The following ARHGEF16 variants were observed in gnomAD, a reference collection of about 807,000 sequenced individuals.
ARHGEF16 encodes Rho guanine exchange factor (GEF) 16.
A neutral mutation model predicts 74.1 loss-of-function variants in ARHGEF16; 59 were observed. The ratio of observed to expected loss-of-function variants is 0.80; its 90% CI spans 0.65 to 0.99. ARHGEF16 has a LOEUF of 0.99. Among genes scored for constraint, ARHGEF16 ranks in the 50% least tolerant of loss-of-function variants. ARHGEF16 has a pLI of 0.00. For synonymous variants in ARHGEF16, 415 were observed against 412.6 expected (o/e 1.01, Z -0.07); for missense variants, 948 against 986.6 (o/e 0.96, Z 0.52).
chr1:3,468,109 C>G (rs1247745807), intron 4 of ARHGEF16, among the ~76,000 whole-genome samples: 1 of 152,192 alleles, frequency 6.6e-6, no homozygotes, highest in Non-Finnish European at 1.5e-5. Context: ...TGCAGTCTTA[C>G]TCTCCTGCTG....
chr1:3,460,346 T>A (rs1639363147), intron 1 of ARHGEF16, among the ~76,000 whole-genome samples: 1 of 152,186 alleles, frequency 6.6e-6, no homozygotes, highest in Non-Finnish European at 1.5e-5. Flanking sequence ...TCAGGGACAG[T>A]CAGGCCTGGG....
chr1:3,476,413 C>CAAGGA (rs1639877559), intron 10 of ARHGEF16, among the ~76,000 whole-genome samples: 2 of 152,166 alleles, frequency 1.3e-5, no homozygotes, highest in African/African-American at 4.8e-5. Context: ...CTGGGGCCAG[C>CAAGGA]GCTCCTTGCT....
intron 14 of ARHGEF16, 64 bp from the exon 15 acceptor site, chr1:3,480,384 C>T: frequency 2.5e-6 from 4 of 1,596,238 alleles, no homozygotes; most frequent in Middle Eastern, 1.7e-4. Flanking sequence ...GGCATAGCAG[C>T]TCAGAGGGGC....
chr1:3,461,794 A>T lies in ARHGEF16; in HGVS notation c.-19-1272A>T, dbSNP rs750369283. On this transcript the variant is annotated intron_variant, in intron 1 of 14. Coordinates refer to ENST00000378378, the MANE Select transcript of ARHGEF16 (RefSeq NM_014448.4). ...ATCTCGGTCACACGGGGTCCAGGCC[A>T]TTGAGGCTCTGCCTGGCCACGCGTG... Among the ~76,000 whole-genome samples, 124 of 152,290 alleles carry T rather than the reference A, an allele frequency of 8.1e-4. 1 individual carries two copies. Among genetic ancestry groups the T allele is most frequent in the South Asian group, 1.2e-3 (6 of 4,822 alleles).
chr1:3,462,460 C>A (rs1270429902), intron 1 of ARHGEF16, among the ~76,000 whole-genome samples: 1 of 152,184 alleles, frequency 6.6e-6, no homozygotes. Flanking sequence ...CCTGCCCTCC[C>A]CCCAACCCAG....
At chr1:3,472,954 C>G (rs1388493990) in intron 6 of ARHGEF16, 124 bp from the exon 7 acceptor site, 4 of 909,544 alleles carry the variant, frequency 4.4e-6, no homozygotes, top group Non-Finnish European at 5.8e-6. Context: ...CCTCTGGGAG[C>G]TGAGCTCAGC....
rs1640027724 is a variant in ARHGEF16, at chr1:3,480,521, C to G, written c.2064C>G (p.Thr688=). ...WFPEDFARFI[T]SRVAVEGNVR... The stretch of plus-strand genomic sequence containing the variant: ...CCGAGGACTTTGCCCGCTTCATCAC[C>G]AGCCGTGTGGCCGTGGAGGGCAATG... The change falls in exon 15 of 15, where the codon ACC becomes ACG. Residue 688 remains threonine (T), a synonymous_variant. Transcript: ENST00000378378. The G allele has an allele frequency of 6.2e-7, 1 of 1,612,310 alleles. No individual in the cohort carries two copies. The highest frequency in any genetic ancestry group is 1.3e-5 in the African/African-American group (1 of 74,946).
intron 11 of ARHGEF16, 173 bp from the exon 12 acceptor site, chr1:3,478,251 A>G (rs141037945): frequency 1.2e-4 from 110 of 920,434 alleles, no homozygotes; most frequent in Non-Finnish European, 1.8e-4. Flanking sequence ...GATAGCCACG[A>G]GGAGGACTCG....
rs776340254 is a variant in ARHGEF16, at chr1:3,469,437, T to C, written c.866T>C (p.Met289Thr). 21 of 1,612,744 alleles carry C rather than the reference T, an allele frequency of 1.3e-5. No homozygotes were observed. The Admixed American group carries it at 2.5e-4, about 19-fold the overall frequency. ...CACCTAGGCCCCTCTCCACAGGCCA[T>C]GTTCGAGATCCTCACGTCGGAGTTC... ...STEERKRQEA[M>T]FEILTSEFSY... The change falls in exon 6 of 15, where the codon ATG (methionine) becomes ACG (threonine). Residue 289 changes from methionine to threonine, a missense_variant. Met to Thr is a moderately conservative substitution (Grantham distance 81, BLOSUM62 -1). Transcript: ENST00000378378.
intron 6 of ARHGEF16, among the ~76,000 whole-genome samples, 165 bp downstream of exon 6, chr1:3,469,758 G>C (rs1468654346): frequency 6.6e-6 from 1 of 152,202 alleles, no homozygotes; most frequent in Admixed American, 6.5e-5. Context: ...GACCTCTGAG[G>C]GTCCTTGAGG....
chr1:3,479,400 A>C (rs1569884958), intron 12 of ARHGEF16, 117 bp from the exon 13 acceptor site: 7 of 1,034,448 alleles, frequency 6.8e-6, no homozygotes, highest in East Asian at 2.8e-5. Context: ...ACTCCTGCCC[A>C]CCCCCACCAC....
In ARHGEF16 at chr1:3,480,526, G is replaced by A. The variant is rs747646674; in HGVS notation, c.2069G>A (p.Arg690His). The A allele has an allele frequency of 2.6e-5, 42 of 1,612,056 alleles. No individual in the cohort carries two copies. The highest frequency in any genetic ancestry group is 4.5e-5 in the East Asian group (2 of 44,902). Residue 690 changes from arginine to histidine, a missense_variant, in exon 15 of 15, where the codon CGT (arginine) becomes CAT (histidine). Coordinates refer to ENST00000378378, the MANE Select transcript of ARHGEF16 (RefSeq NM_014448.4). ...GACTTTGCCCGCTTCATCACCAGCC[G>A]TGTGGCCGTGGAGGGCAATGTCCGC... is the stretch of plus-strand genomic sequence containing the variant. Reference protein sequence around the residue: ...PEDFARFITSRVAVEGNVRRM... With the variant: ...PEDFARFITSHVAVEGNVRRM...
Position 3,480,597 on chromosome 1 carries a change from G to A in ARHGEF16, c.*10G>A. ...GGAGACGGACGTGTAGCCCTGGCGA[G>A]GCCAGCCGGCGGCAGCACAGCCTGT... is the stretch of plus-strand genomic sequence containing the variant. On this transcript the variant is annotated 3_prime_UTR_variant, in exon 15 of 15. Coordinates refer to ENST00000378378, the MANE Select transcript of ARHGEF16 (RefSeq NM_014448.4). 6.2e-7 allele frequency: 1 copy of A among 1,601,810 alleles called. No homozygotes were observed. The highest frequency in any genetic ancestry group is 8.5e-7 in the Non-Finnish European group (1 of 1,178,208).
chr1:3,470,824 G>A (rs916542743), intron 6 of ARHGEF16, among the ~76,000 whole-genome samples: 1 of 150,024 alleles, frequency 6.7e-6, no homozygotes, highest in South Asian at 2.1e-4. Flanking sequence ...ATGGATGTGT[G>A]TGTGGGCAGG....
intron 6 of ARHGEF16, 117 bp downstream of exon 6, chr1:3,469,710 A>G (rs768041610): frequency 1.3e-4 from 182 of 1,399,156 alleles, no homozygotes; most frequent in Non-Finnish European, 1.7e-4. Context: ...CTTGATGTGG[A>G]TGGTTTAGAG....
At chr1:3,467,872 G>A (rs1317140508) in intron 4 of ARHGEF16, among the ~76,000 whole-genome samples, 2 of 152,130 alleles carry the variant, frequency 1.3e-5, no homozygotes, top group African/African-American at 2.4e-5. Context: ...GCACCCTGAG[G>A]CCCAAGGGAG....
chr1:3,474,219 A>T (rs952012307), intron 8 of ARHGEF16: 1 of 203,318 alleles, frequency 4.9e-6, no homozygotes, highest in South Asian at 1.0e-4. Context: ...GTGCACACAC[A>T]TACACGTGGA....
In ARHGEF16 at chr1:3,479,919, T is replaced by C. The variant is rs770291174; in HGVS notation, c.1990+6T>C. 18 of 1,611,754 alleles carry C rather than the reference T, an allele frequency of 1.1e-5. No homozygotes were observed. In the East Asian group the frequency reaches 4.0e-4, roughly 36 times the overall value. On this transcript the variant is annotated splice_donor_region_variant and intron_variant, in intron 14 of 14. Coordinates refer to ENST00000378378, the MANE Select transcript of ARHGEF16 (RefSeq NM_014448.4). ...GGTTCTGCAGCAGGAGGATGGTGAGTGCAGGGGCGTTGGGCACAGATGGGT... is the reference window on the plus strand; with the variant it reads ...GGTTCTGCAGCAGGAGGATGGTGAGCGCAGGGGCGTTGGGCACAGATGGGT...
chr1:3,467,463 G>A, intron 4 of ARHGEF16, 126 bp downstream of exon 4: 2 of 1,202,576 alleles, frequency 1.7e-6, no homozygotes, highest in South Asian at 1.6e-5. Context: ...AGGGAGGGTG[G>A]GCAGCCTTCC....
Sources: allele counts gnomAD v4.1 joint callset (sites outside exome capture counted in the v4.1 genomes callset), GRCh38; gene constraint gnomAD v4.1.1; transcripts MANE v1.5; gene names NCBI Gene and HGNC (gene_info 2026-07-23, HGNC 2026-07-21).